The following SLC12A8 variants were observed in gnomAD, a reference collection of about 807,000 sequenced individuals.
SLC12A8 encodes cation-chloride cotransporter 9.
SLC12A8 carries 69 observed loss-of-function variants against 75.6 expected under a neutral mutation model. That is an observed-to-expected ratio of 0.91 (90% CI 0.75 to 1.11). The LOEUF is 1.11. Among genes scored for constraint, SLC12A8 ranks in the 50% most tolerant of loss-of-function variants. SLC12A8 has a pLI of 0.00. For missense variants in SLC12A8, 877 were observed against 896.7 expected (o/e 0.98, Z 0.28); for synonymous variants, 365 against 372.8 (o/e 0.98, Z 0.24).
chr3:125,103,999 G>T (rs1056579487), intron 10 of SLC12A8, among the ~76,000 whole-genome samples: 4 of 83,958 alleles, frequency 4.8e-5, no homozygotes, highest in Non-Finnish European at 9.7e-5. Flanking sequence ...AAGCCTCCAA[G>T]ATTTAAAAAA....
At chr3:125,110,159 A>G in intron 9 of SLC12A8, 30 bp downstream of exon 9, 1 of 1,596,888 alleles carries the variant, frequency 6.3e-7, no homozygotes, top group South Asian at 1.1e-5. Context: ...CATGTTTCAA[A>G]AAACAAACCA....
chr3:125,167,213 A>C (rs1269862200), intron 5 of SLC12A8, among the ~76,000 whole-genome samples: 1 of 151,798 alleles, frequency 6.6e-6, no homozygotes, highest in Non-Finnish European at 1.5e-5. Flanking sequence ...GCAATGGCAC[A>C]ATCTTGGCTC....
At chr3:125,097,531 TGTGTGTGTG>T (rs1938747699) in intron 10 of SLC12A8, among the ~76,000 whole-genome samples, 1 of 520 alleles carries the variant, frequency 1.9e-3, no homozygotes, top group African/African-American at 2.8e-3. Context: ...AAGGGAATTG[TGTGTGTGTG>T]TGTGTGTGTG....
At position 125,098,448 on chromosome 3, in the gene SLC12A8, TA is replaced by T. The variant is rs141990656; in HGVS notation, c.1706-6251del. ...AATAGACTTACTAAGTCAGGGCAATTAAACAGTTTTGTGTTTCTTGTTACAT... is the reference window on the plus strand; with the variant it reads ...AATAGACTTACTAAGTCAGGGCAATTAACAGTTTTGTGTTTCTTGTTACAT... On this transcript the variant is annotated intron_variant, in intron 10 of 13. Transcript: ENST00000469902. Among the ~76,000 whole-genome samples the T allele has an allele frequency of 8.5e-4, 129 of 152,154 alleles. 1 individual carries two copies. The highest frequency in any genetic ancestry group is 3.0e-3 in the African/African-American group (124 of 41,514).
At chr3:125,103,744 C>G (rs1423334957) in intron 10 of SLC12A8, among the ~76,000 whole-genome samples, 1 of 152,050 alleles carries the variant, frequency 6.6e-6, no homozygotes, top group African/African-American at 2.4e-5. Context: ...GTTGTCTTCC[C>G]ACCTCAGCCT....
At chr3:125,195,373 G>A (rs1394337426) in intron 2 of SLC12A8, among the ~76,000 whole-genome samples, 4 of 152,182 alleles carry the variant, frequency 2.6e-5, no homozygotes, top group Admixed American at 2.6e-4. Context: ...TGTGACTGAT[G>A]CTGGAAATGG....
At chr3:125,186,564 T>G (rs1483547044) in intron 4 of SLC12A8, among the ~76,000 whole-genome samples, 5 of 152,260 alleles carry the variant, frequency 3.3e-5, no homozygotes, top group Non-Finnish European at 7.3e-5. Context: ...CAAGAAATGC[T>G]GACAAAGAAC....
Position 125,108,058 on chromosome 3 carries a change from A to G in SLC12A8, c.1128T>C (p.Phe376=). ...GGGCCAGAACGTTCACTTGACCCACAAAAACAAAGGCCATGGTCACCAAGC... is the reference window on the plus strand; with the variant it reads ...GGGCCAGAACGTTCACTTGACCCACGAAAACAAAGGCCATGGTCACCAAGC... ...LTSLVTMAFV[F]VGQVNVLAPI... is the part of the protein sequence containing the mutation. The change falls in exon 10 of 14, where the codon TTT becomes TTC. Residue 376 remains phenylalanine, a synonymous_variant. Coordinates refer to ENST00000469902, the MANE Select transcript of SLC12A8 (RefSeq NM_024628.6). The G allele has an allele frequency of 6.2e-7, 1 of 1,614,212 alleles. No individual in the cohort carries two copies. Among genetic ancestry groups the G allele is most frequent in the Non-Finnish European group, 8.5e-7 (1 of 1,180,042 alleles).
chr3:125,198,604 G>A (rs1458882712), intron 2 of SLC12A8, among the ~76,000 whole-genome samples: 5 of 151,932 alleles, frequency 3.3e-5, no homozygotes, highest in African/African-American at 7.3e-5. Context: ...CTGAACTCCA[G>A]CCTGGGGGAG....
intron 5 of SLC12A8, among the ~76,000 whole-genome samples, chr3:125,158,213 G>A (rs1934091170): frequency 6.6e-6 from 1 of 151,714 alleles, no homozygotes; most frequent in South Asian, 2.1e-4. Context: ...TGTCAAATTA[G>A]CTTTTCCTTT....
At chr3:125,179,193 C>T (rs931301429) in intron 4 of SLC12A8, among the ~76,000 whole-genome samples, 15 of 152,124 alleles carry the variant, frequency 9.9e-5, no homozygotes, top group African/African-American at 3.6e-4. Context: ...GAGGCCTCTC[C>T]TCAACCTCTT....
intron 10 of SLC12A8, 82 bp from the exon 11 acceptor site, chr3:125,092,280 C>T (rs894954899): frequency 1.1e-6 from 1 of 899,618 alleles, no homozygotes; most frequent in Non-Finnish European, 1.8e-6. Context: ...ATGAGCTCCT[C>T]TTCCCCAATT....
chr3:125,102,684 C>A (rs138851862), intron 10 of SLC12A8, among the ~76,000 whole-genome samples: 2,917 of 152,216 alleles, frequency 0.019, 36 homozygotes, highest in Middle Eastern at 0.037. Flanking sequence ...GGACAGCGAC[C>A]ACTTCCTTGA....
In SLC12A8 at chr3:125,142,149, G is replaced by A. The variant is rs377057309; in HGVS notation, c.623-6367C>T. ...GGAGACGGGGATCTGCAGCCAATCC[G>A]AAACTGCCTGACCCAGGGGGTCCGC... On this transcript the variant is annotated intron_variant, in intron 5 of 13. Coordinates refer to ENST00000469902, the MANE Select transcript of SLC12A8 (RefSeq NM_024628.6). Among the ~76,000 whole-genome samples, 7 of 152,330 alleles carry A rather than the reference G, an allele frequency of 4.6e-5. 1 individual carries two copies. Among genetic ancestry groups the A allele is most frequent in the South Asian group, 2.1e-4 (1 of 4,824 alleles).
At chr3:125,120,078 TC>T (rs1386676374) in intron 7 of SLC12A8, among the ~76,000 whole-genome samples, 3 of 151,582 alleles carry the variant, frequency 2.0e-5, no homozygotes, top group Non-Finnish European at 2.9e-5. Flanking sequence ...GTGCCTTCTC[TC>T]CCCGCCGCAA....
rs140946575 is a variant in SLC12A8, at chr3:125,203,538, G to C, written c.51+7761C>G. On this transcript the variant is annotated intron_variant, in intron 2 of 13. Transcript: ENST00000469902. ...TACTAGGAAAACTGTATATCCACAT[G>C]CAGAAGAATGAAACTAGACCCCCAT... Among the ~76,000 whole-genome samples the C allele has an allele frequency of 5.2e-3, 793 of 152,286 alleles. 8 individuals are homozygous for C. The highest frequency in any genetic ancestry group is 0.016 in the African/African-American group (676 of 41,554).
intron 4 of SLC12A8, 21 bp downstream of exon 4, chr3:125,187,216 C>T (rs1020631540): frequency 1.9e-6 from 3 of 1,605,692 alleles, no homozygotes; most frequent in South Asian, 1.1e-5. Flanking sequence ...GCAGGGGAAG[C>T]ATCCCGGGCG....
At chr3:125,136,455 T>TC (rs1560063745) in intron 5 of SLC12A8, among the ~76,000 whole-genome samples, 1 of 152,006 alleles carries the variant, frequency 6.6e-6, no homozygotes, top group Admixed American at 6.6e-5. Flanking sequence ...AATCTATTCC[T>TC]CCCCCCTCAC....
At chr3:125,125,876 C>A in intron 6 of SLC12A8, 1 of 959,064 alleles carries the variant, frequency 1.0e-6, no homozygotes, top group Non-Finnish European at 1.2e-6. Flanking sequence ...GGTTACATAC[C>A]CACAAGAAGG....
Sources: gnomAD v4.1 joint callset for allele counts (sites outside exome capture counted in the v4.1 genomes callset) on GRCh38, gnomAD v4.1.1 for gene constraint, MANE v1.5 for transcripts, NCBI Gene and HGNC (gene_info 2026-07-23, HGNC 2026-07-21) for gene names.